The following KDM4B variants were observed in gnomAD, a reference collection of about 807,000 sequenced individuals.
The protein encoded by KDM4B is lysine demethylase 4B.
In KDM4B, 32 loss-of-function variants were observed where a neutral mutation model predicts 125.2. The ratio of observed to expected loss-of-function variants is 0.26; its 90% CI spans 0.19 to 0.34. The LOEUF is 0.34. Among genes scored for constraint, KDM4B ranks in the 10% least tolerant of loss-of-function variants. The pLI is 1.00. For missense variants in KDM4B, 1,190 were observed against 1,577.7 expected, an observed-to-expected ratio of 0.75 and a Z score of 4.16; for synonymous variants, 721 against 677.9, an observed-to-expected ratio of 1.06 and a Z score of -0.99.
intron 1 of KDM4B, among the ~76,000 whole-genome samples, chr19:4,995,009 C>A (rs1458406719): frequency 6.6e-6 from 1 of 152,190 alleles, no homozygotes. Context: ...AGTTCAATGG[C>A]TTGGGTTTTC....
intron 5 of KDM4B, among the ~76,000 whole-genome samples, chr19:5,045,169 C>T (rs1261660235): frequency 3.3e-5 from 5 of 152,160 alleles, no homozygotes; most frequent in East Asian, 1.9e-4. Context: ...CTAGCAGCAG[C>T]GAATGAACGT....
chr19:5,112,024 A>G, intron 10 of KDM4B: 2 of 564,008 alleles, frequency 3.5e-6, no homozygotes, highest in Non-Finnish European at 3.2e-6. Flanking sequence ...AGGCCAAGGA[A>G]GGAGGATTGC....
intron 10 of KDM4B, among the ~76,000 whole-genome samples, chr19:5,111,100 C>G (rs1267602351): frequency 2.6e-5 from 4 of 152,144 alleles, no homozygotes; most frequent in Non-Finnish European, 4.4e-5. Context: ...TCCCCATACT[C>G]CCTGTCATGT....
rs1252790189 is a variant in KDM4B at position 5,035,898 on chromosome 19, T to TGTGC, written c.141+2868_141+2869insTGCG. On this transcript the variant is annotated intron_variant, in intron 3 of 22. Transcript: ENST00000159111. This position sits in a 1 kb window ranked among gnomAD's most constrained non-coding sequence, Gnocchi z 5.3. ...GTGTGTGTGCGCGCGCGCGCGCGCC[T>TGTGC]GCGCGCACAGGAGACTGAGGTGGGG... Among the ~76,000 whole-genome samples, 160 of 78,280 alleles carry TGTGC rather than the reference T, an allele frequency of 2.0e-3. No homozygotes were observed. Among genetic ancestry groups the TGTGC allele is most frequent in the East Asian group, 0.015 (19 of 1,246 alleles). The allele number at this position is 78,280 out of a possible 152,430, so 51.4% of individuals were successfully genotyped here. A position where few individuals can be genotyped will look rare whatever the true frequency, so the allele number is the denominator to read the frequency against.
At chr19:4,981,376 G>C (rs771213533) in intron 1 of KDM4B, among the ~76,000 whole-genome samples, 3 of 152,152 alleles carry the variant, frequency 2.0e-5, no homozygotes, top group South Asian at 2.1e-4. Flanking sequence ...TGAGGGGCTT[G>C]TGAGAAGATG....
At chr19:5,079,331 T>C (rs1490740955) in intron 8 of KDM4B, among the ~76,000 whole-genome samples, 1 of 152,138 alleles carries the variant, frequency 6.6e-6, no homozygotes, top group Non-Finnish European at 1.5e-5. Flanking sequence ...TGTTGGATAA[T>C]GTTGACAGCA....
At chr19:5,055,894 T>C (rs546147409) in intron 6 of KDM4B, among the ~76,000 whole-genome samples, 2 of 152,360 alleles carry the variant, frequency 1.3e-5, no homozygotes, top group Non-Finnish European at 2.9e-5. Flanking sequence ...GAGCATTCTA[T>C]ATCAATGTGG....
At chr19:5,036,467 G>A (rs1234840399) in intron 3 of KDM4B, among the ~76,000 whole-genome samples, 1 of 152,228 alleles carries the variant, frequency 6.6e-6, no homozygotes, top group East Asian at 1.9e-4. Context: ...GGTGAGAGGA[G>A]CCCTGGAAGG....
At chr19:5,031,113 T>C (rs2036439408) in intron 2 of KDM4B, among the ~76,000 whole-genome samples, 1 of 152,144 alleles carries the variant, frequency 6.6e-6, no homozygotes, top group Non-Finnish European at 1.5e-5. Flanking sequence ...GCGCAGGCCC[T>C]GGGTGAACAC....
intron 2 of KDM4B, among the ~76,000 whole-genome samples, chr19:5,024,345 C>T (rs1025928491): frequency 2.0e-5 from 3 of 152,144 alleles, no homozygotes; most frequent in East Asian, 3.9e-4. Flanking sequence ...ACCTGAAGCC[C>T]CCTGCCAAGC....
chr19:5,060,433 CAAAAA>C (rs901472663), intron 6 of KDM4B, among the ~76,000 whole-genome samples: 1 of 32,946 alleles, frequency 3.0e-5, no homozygotes, highest in African/African-American at 8.2e-5. Context: ...ACTCTGTCTC[CAAAAA>C]AAAAAAAAAA....
chr19:5,110,841 C>CGT, intron 10 of KDM4B, 23 bp downstream of exon 10: 1 of 1,528,746 alleles, frequency 6.5e-7, no homozygotes, highest in Non-Finnish European at 8.8e-7. Flanking sequence ...GGGACTGCCG[C>CGT]GTGACTGCCC....
intron 2 of KDM4B, among the ~76,000 whole-genome samples, chr19:5,023,569 CAG>C (rs1400734843): frequency 6.6e-6 from 1 of 152,116 alleles, no homozygotes; most frequent in African/African-American, 2.4e-5. Flanking sequence ...GATGGCAGCA[CAG>C]GGGCTGGAGG....
rs1467505341 is a variant in KDM4B at position 5,114,298 on chromosome 19, G to A, written c.1115+3480G>A. ...GGCCCACTGCTGCTCTGTGAGCCCG[G>A]CTGGGCCCAGGCCTCGTCTCCCCTA... On this transcript the variant is annotated intron_variant, in intron 10 of 22. Coordinates refer to ENST00000159111, the MANE Select transcript of KDM4B (RefSeq NM_015015.3). The surrounding 1 kb of genome is among the most constrained non-coding windows in gnomAD (Gnocchi z 5.8). 2.5e-6 allele frequency: 3 copies of A among 1,194,444 alleles called. No homozygotes were observed. Among genetic ancestry groups the A allele is most frequent in the Non-Finnish European group, 3.3e-6 (3 of 901,942 alleles). The allele number at this position is 1,194,444 out of a possible 1,614,324, so 74.0% of individuals were successfully genotyped here.
chr19:5,090,179 C>A (rs1027771464), intron 9 of KDM4B, among the ~76,000 whole-genome samples: 1 of 152,264 alleles, frequency 6.6e-6, no homozygotes, highest in East Asian at 1.9e-4. Flanking sequence ...GGGGTCCTAG[C>A]CCCTGGGTCT....
intron 1 of KDM4B, among the ~76,000 whole-genome samples, chr19:4,982,263 G>T (rs1220652341): frequency 1.3e-5 from 2 of 150,862 alleles, no homozygotes; most frequent in African/African-American, 4.9e-5. Flanking sequence ...CTGTACTCCA[G>T]CCTGGGCAGC....
intron 6 of KDM4B, among the ~76,000 whole-genome samples, chr19:5,048,481 G>A (rs915059041): frequency 2.6e-5 from 4 of 152,258 alleles, no homozygotes; most frequent in African/African-American, 9.6e-5. Context: ...CCGGGGCCGC[G>A]CTCATGCCTG....
intron 21 of KDM4B, among the ~76,000 whole-genome samples, chr19:5,146,261 C>T (rs984574113): frequency 2.4e-4 from 36 of 151,936 alleles, no homozygotes; most frequent in African/African-American, 7.2e-4. Context: ...CCGTGCAGGC[C>T]GGCCCCGCCC....
intron 1 of KDM4B, among the ~76,000 whole-genome samples, chr19:4,994,375 C>G (rs1001409917): frequency 6.6e-6 from 1 of 151,634 alleles, no homozygotes; most frequent in Non-Finnish European, 1.5e-5. Flanking sequence ...AGTTTGAGAC[C>G]AGGCTGACCA....
Sources: allele counts gnomAD v4.1 joint callset (sites outside exome capture counted in the v4.1 genomes callset), GRCh38; gene constraint gnomAD v4.1.1; non-coding constraint Gnocchi (gnomAD v3.1); transcripts MANE v1.5; gene names NCBI Gene and HGNC (gene_info 2026-07-23, HGNC 2026-07-21).